Variants in LINGO2 observed in about 807,000 individuals in gnomAD.
LINGO2 encodes the protein leucine-rich repeat and immunoglobulin-like domain-containing nogo receptor-interacting protein 2.
In LINGO2, 14 loss-of-function variants were observed where a neutral mutation model predicts 30.6. That is an observed-to-expected ratio of 0.46 (90% confidence interval 0.30 to 0.72). The LOEUF (loss-of-function observed/expected upper bound fraction) is 0.72. LINGO2 is among the 30% of genes least tolerant of loss of function. The pLI, the probability that LINGO2 is intolerant of heterozygous loss-of-function variation, is 0.07. For missense variants in LINGO2, 729 were observed against 751.7 expected (o/e 0.97, Z 0.35); for synonymous variants, 317 against 288.5 (o/e 1.10, Z -1.00).
intron 1 of LINGO2, among the ~76,000 whole-genome samples, chr9:28,628,421 C>A (rs1216651290): frequency 1.3e-5 from 2 of 152,022 alleles, no homozygotes; most frequent in African/African-American, 4.8e-5. Flanking sequence ...AGAGAAAAAA[C>A]ATTGGCAGTT....
At chr9:28,749,583 G>A in the LINGO2 span, among the ~76,000 whole-genome samples, 5 of 151,436 alleles carry the variant, frequency 3.3e-5, no homozygotes, top group African/African-American at 1.2e-4. Flanking sequence ...TAACCAAAGA[G>A]TTTAATCAGC....
the LINGO2 span, among the ~76,000 whole-genome samples, chr9:29,087,869 A>G: frequency 6.6e-6 from 1 of 152,122 alleles, no homozygotes; most frequent in Non-Finnish European, 1.5e-5. Context: ...TAACTTTTCT[A>G]TAAATATATG....
At chr9:28,206,763 A>T (rs1820422796) in intron 4 of LINGO2, among the ~76,000 whole-genome samples, 1 of 152,174 alleles carries the variant, frequency 6.6e-6, no homozygotes, top group Non-Finnish European at 1.5e-5. Flanking sequence ...TACTATTAAG[A>T]CCATAAGGAT....
intron 4 of LINGO2, among the ~76,000 whole-genome samples, chr9:28,091,032 G>T (rs1190870071): frequency 6.6e-6 from 1 of 152,138 alleles, no homozygotes; most frequent in African/African-American, 2.4e-5. Flanking sequence ...TTTTCAAGGA[G>T]AACTACAAAC....
At chr9:28,035,604 TTTATC>T (rs1587736995) in intron 4 of LINGO2, among the ~76,000 whole-genome samples, 1 of 152,190 alleles carries the variant, frequency 6.6e-6, no homozygotes, top group Non-Finnish European at 1.5e-5. Flanking sequence ...GTTATGCAGT[TTTATC>T]TTCAGTGAAA....
At chr9:28,380,097 T>C (rs530359369) in intron 2 of LINGO2, among the ~76,000 whole-genome samples, 1 of 152,230 alleles carries the variant, frequency 6.6e-6, no homozygotes, top group South Asian at 2.1e-4. Flanking sequence ...GCCACACAGA[T>C]GCCACACATA....
intron 5 of LINGO2, among the ~76,000 whole-genome samples, chr9:27,972,008 T>C (rs1196980461): frequency 6.6e-6 from 1 of 152,224 alleles, no homozygotes; most frequent in Non-Finnish European, 1.5e-5. Context: ...TTAGTGCTCA[T>C]GTTTGTTTAT....
intron 2 of LINGO2, among the ~76,000 whole-genome samples, chr9:28,432,504 A>C: frequency 6.6e-6 from 1 of 152,074 alleles, no homozygotes; most frequent in East Asian, 1.9e-4. Context: ...TTTCCCTGTT[A>C]TTGCTCAGAG....
intron 3 of LINGO2, among the ~76,000 whole-genome samples, chr9:28,327,884 A>G (rs947397385): frequency 1.4e-4 from 21 of 152,166 alleles, no homozygotes; most frequent in Non-Finnish European, 2.4e-4. Context: ...GAAACAAAGA[A>G]AGGAAGGAAG....
chr9:28,600,385 T>C (rs1317389107), intron 1 of LINGO2, among the ~76,000 whole-genome samples: 2 of 152,174 alleles, frequency 1.3e-5, no homozygotes, highest in Non-Finnish European at 2.9e-5. Context: ...CATTGTTATA[T>C]GTTTATATCA....
At position 28,552,000 on chromosome 9, in the gene LINGO2, C is replaced by T. The variant is rs553388693; in HGVS notation, c.-364-75975G>A. Among the ~76,000 whole-genome samples, 11 of 151,952 alleles carry T rather than the reference C, an allele frequency of 7.2e-5. No homozygotes were observed. In the South Asian group the frequency reaches 1.0e-3, roughly 14 times the overall value. On this transcript the variant is annotated intron_variant, in intron 1 of 5. Transcript: ENST00000379992. ...CTTTTTATTTTTTCAGTTTATTGTACGATTTTTAAATTGTGTGGTTTTGTT... is the reference window on the plus strand; with the variant it reads ...CTTTTTATTTTTTCAGTTTATTGTATGATTTTTAAATTGTGTGGTTTTGTT...
At chr9:28,723,022 G>A in the LINGO2 span, among the ~76,000 whole-genome samples, 1 of 152,102 alleles carries the variant, frequency 6.6e-6, no homozygotes, top group Non-Finnish European at 1.5e-5. Context: ...TTACCCCAGA[G>A]TCTCTGGTGG....
chr9:29,020,624 G>A, the LINGO2 span, among the ~76,000 whole-genome samples: 2 of 152,182 alleles, frequency 1.3e-5, no homozygotes. Flanking sequence ...TTAGAAGGCA[G>A]TGTTTAGATC....
intron 1 of LINGO2, among the ~76,000 whole-genome samples, chr9:28,630,886 A>C (rs1264223575): frequency 7.2e-6 from 1 of 138,528 alleles, no homozygotes; most frequent in African/African-American, 2.5e-5. Flanking sequence ...CTTTGTGCAC[A>C]TAAAGAAAAA....
At chr9:28,161,172 A>G (rs1828274051) in intron 4 of LINGO2, among the ~76,000 whole-genome samples, 1 of 152,206 alleles carries the variant, frequency 6.6e-6, no homozygotes, top group Non-Finnish European at 1.5e-5. Context: ...AGTTGTATAA[A>G]TTAACTTTGC....
Position 28,545,374 on chromosome 9 carries a change from T to C in LINGO2, c.-364-69349A>G, listed in dbSNP as rs551935059. Among the ~76,000 whole-genome samples, 7 of 152,206 alleles carry C rather than the reference T, an allele frequency of 4.6e-5. No homozygotes were observed. In the South Asian group the frequency reaches 1.4e-3, roughly 32 times the overall value. On this transcript the variant is annotated intron_variant, in intron 1 of 5. Transcript: ENST00000379992. ...CTACCTAAAGACATTTCTGTTCAATTTTTAAAATATGAACTGGCCCAATTA... is the reference window on the plus strand; with the variant it reads ...CTACCTAAAGACATTTCTGTTCAATCTTTAAAATATGAACTGGCCCAATTA...
At chr9:28,935,436 C>T in the LINGO2 span, among the ~76,000 whole-genome samples, 1 of 151,954 alleles carries the variant, frequency 6.6e-6, no homozygotes, top group African/African-American at 2.4e-5. Flanking sequence ...GACAAAGAGA[C>T]TGGGAGAGTA....
chr9:28,867,123 G>A, the LINGO2 span, among the ~76,000 whole-genome samples: 4 of 152,126 alleles, frequency 2.6e-5, no homozygotes, highest in Non-Finnish European at 4.4e-5. Context: ...CTGCAGTTAA[G>A]GGCTAAATCA....
chr9:28,351,578 G>A (rs1332367526), intron 3 of LINGO2, among the ~76,000 whole-genome samples: 1 of 139,690 alleles, frequency 7.2e-6, no homozygotes, highest in Non-Finnish European at 1.5e-5. Flanking sequence ...GGTACAAGGA[G>A]GAACTGGTAC....
Sources: gnomAD v4.1 joint callset for allele counts (sites outside exome capture counted in the v4.1 genomes callset) on GRCh38, gnomAD v4.1.1 for gene constraint, MANE v1.5 for transcripts, NCBI Gene and HGNC (gene_info 2026-07-23, HGNC 2026-07-21) for gene names.